The following ZNF133 variants were observed in gnomAD, a reference collection of about 807,000 sequenced individuals.
ZNF133 encodes zinc finger protein 133 (clone pHZ-13).
ZNF133 carries 26 observed loss-of-function variants against 54.9 expected under a neutral mutation model. The ratio of observed to expected loss-of-function variants is 0.47; its 90% CI spans 0.35 to 0.66. The LOEUF (loss-of-function observed/expected upper bound fraction) is 0.66. Among genes scored for constraint, ZNF133 ranks in the 30% least tolerant of loss-of-function variants. ZNF133 has a pLI of 0.01. For synonymous variants in ZNF133, 298 were observed against 320.3 expected (o/e 0.93, Z 0.74); for missense variants, 653 against 820.8 (o/e 0.80, Z 2.50).
At chr20:18,296,423 A>G (rs1353677842) in intron 1 of ZNF133, among the ~76,000 whole-genome samples, 2 of 151,596 alleles carry the variant, frequency 1.3e-5, no homozygotes, top group African/African-American at 4.9e-5. Context: ...CCAAACTGAA[A>G]CTCCATACCC....
chr20:18,298,129 T>C, intron 2 of ZNF133, 67 bp downstream of exon 2: 1 of 1,534,360 alleles, frequency 6.5e-7, no homozygotes, highest in East Asian at 2.4e-5. Flanking sequence ...TTACCCTGAC[T>C]GCCTTATTGG....
In ZNF133 at chr20:18,315,582, G is replaced by T. The variant is rs757687358; in HGVS notation, c.731G>T (p.Cys244Phe). 6.2e-7 allele frequency: 1 copy of T among 1,614,008 alleles called. No homozygotes were observed. Among genetic ancestry groups the T allele is most frequent in the Non-Finnish European group, 8.5e-7 (1 of 1,179,996 alleles). ...RIHSGEKPYV[C>F]GVCEKGFSLK... ...CACTCAGGGGAGAAGCCCTACGTGT[G>T]TGGGGTATGTGAGAAGGGCTTCAGC... is the stretch of plus-strand genomic sequence containing the variant. Residue 244 changes from cysteine (C) to phenylalanine (F), a missense_variant, in exon 7 of 7, where the codon TGT (cysteine) becomes TTT (phenylalanine). Coordinates refer to ENST00000425686, the MANE Select transcript of ZNF133 (RefSeq NM_001352452.2).
At chr20:18,293,097 G>A (rs567309487) in intron 1 of ZNF133, among the ~76,000 whole-genome samples, 1 of 152,364 alleles carries the variant, frequency 6.6e-6, no homozygotes, top group Non-Finnish European at 1.5e-5. Flanking sequence ...GGCGCAGTAT[G>A]TCAATAACCA....
Position 18,298,081 on chromosome 20 carries a change from C to CG in ZNF133, c.-354+19_-354+20insG. The CG allele has an allele frequency of 6.5e-7, 1 of 1,535,466 alleles. No individual in the cohort carries two copies. The highest frequency in any genetic ancestry group is 8.7e-7 in the Non-Finnish European group (1 of 1,146,770). ...GGGAATGGTGAGTGTTTCCTGTCTC[C>CG]ATTACTGGCTGTAACAGGATGGACA... On this transcript the variant is annotated intron_variant, in intron 2 of 6. Coordinates refer to ENST00000425686, the MANE Select transcript of ZNF133 (RefSeq NM_001352452.2).
In ZNF133 at chr20:18,316,413, C is replaced by T. The variant is rs760184340; in HGVS notation, c.1562C>T (p.Pro521Leu). The T allele has an allele frequency of 1.1e-5, 17 of 1,613,904 alleles. No individual in the cohort carries two copies. Among genetic ancestry groups the T allele is most frequent in the South Asian group, 6.6e-5 (6 of 91,064 alleles). ...AHQRTHSGERPYVCRECGRGF... is the reference protein window; with the variant it reads ...AHQRTHSGERLYVCRECGRGF... ...CAGAGGACGCACTCAGGGGAGAGGC[C>T]GTATGTGTGCCGAGAGTGCGGGCGA... The change falls in exon 7 of 7, where the codon CCG (proline) becomes CTG (leucine). Residue 521 changes from proline to leucine, a missense_variant. This residue lies in a region of ZNF133 where 292 missense variants were observed against 431.6 expected (regional missense o/e 0.68). Coordinates refer to ENST00000425686, the MANE Select transcript of ZNF133 (RefSeq NM_001352452.2).
At chr20:18,292,963 G>A (rs2041391944) in intron 1 of ZNF133, among the ~76,000 whole-genome samples, 1 of 152,310 alleles carries the variant, frequency 6.6e-6, no homozygotes, top group Non-Finnish European at 1.5e-5. Flanking sequence ...GTTGGCAGAG[G>A]TGGAATCCAT....
In ZNF133 at chr20:18,305,547, G is replaced by A. The variant is rs979853325; in HGVS notation, c.-6-134G>A. 1 of 1,302,722 alleles carries A rather than the reference G, an allele frequency of 7.7e-7. No homozygotes were observed. Among genetic ancestry groups the A allele is most frequent in the East Asian group, 2.4e-5 (1 of 41,530 alleles). 80.7% of individuals were successfully genotyped at this position (1,302,722 alleles called of 1,614,324 possible). On this transcript the variant is annotated intron_variant, in intron 4 of 6. Coordinates refer to ENST00000425686, the MANE Select transcript of ZNF133 (RefSeq NM_001352452.2). This position sits in a 1 kb window ranked among gnomAD's most constrained non-coding sequence, Gnocchi z 4.7. ...ATTGAGACAGGGATTTAAAAGTCTT[G>A]GAACACATGGCACCAGGGTCACTGG...
At chr20:18,299,589 C>T (rs2042937220) in intron 3 of ZNF133, among the ~76,000 whole-genome samples, 1 of 152,014 alleles carries the variant, frequency 6.6e-6, no homozygotes. Context: ...CCAAGCAGCT[C>T]AATGAACTAT....
rs147451613 is a variant in ZNF133 at position 18,315,857 on chromosome 20, A to T, written c.1006A>T (p.Ser336Cys). 4.3e-6 allele frequency: 7 copies of T among 1,613,164 alleles called. No homozygotes were observed. The highest frequency in any genetic ancestry group is 5.9e-6 in the Non-Finnish European group (7 of 1,179,394). The change falls in exon 7 of 7, where the codon AGC becomes TGC. Residue 336 changes from serine to cysteine, a missense_variant. This residue lies in a region of ZNF133 where 292 missense variants were observed against 431.6 expected (regional missense o/e 0.68). Coordinates refer to ENST00000425686, the MANE Select transcript of ZNF133 (RefSeq NM_001352452.2). ...YVCRECGKGF[S>C]QKSAVVRHQR... ...GTGCCGGGAATGTGGCAAAGGCTTC[A>T]GCCAGAAGTCAGCTGTCGTGAGACA...
intron 1 of ZNF133, among the ~76,000 whole-genome samples, chr20:18,290,547 C>A (rs2040709836): frequency 6.6e-6 from 1 of 152,050 alleles, no homozygotes; most frequent in South Asian, 2.1e-4. Context: ...TTGTTATACC[C>A]AACAAAATTA....
rs370925695 is a variant in ZNF133, at chr20:18,316,779, G to C, written c.1928G>C (p.Cys643Ser). ...CCAGTGCAGCCCGACCCTGAGCCGTGTGCAGGGCAACCTTCGGATTCCTTA... is the reference window on the plus strand; with the variant it reads ...CCAGTGCAGCCCGACCCTGAGCCGTCTGCAGGGCAACCTTCGGATTCCTTA... ...RLPVQPDPEP[C>S]AGQPSDSLYS... is the part of the protein sequence containing the mutation. Residue 643 changes from cysteine to serine, a missense_variant, in exon 7 of 7, where the codon TGT (cysteine) becomes TCT (serine). Around this residue, in one of 4 missense-constraint regions of ZNF133, gnomAD observed 129 missense variants for 138.5 expected, o/e 0.93. Transcript: ENST00000425686. 10 of 1,613,656 alleles carry C rather than the reference G, an allele frequency of 6.2e-6. No homozygotes were observed. Among genetic ancestry groups the C allele is most frequent in the African/African-American group, 5.3e-5 (4 of 74,930 alleles).
chr20:18,294,044 T>A (rs1371404980), intron 1 of ZNF133, among the ~76,000 whole-genome samples: 4 of 152,198 alleles, frequency 2.6e-5, no homozygotes, highest in Admixed American at 1.3e-4. Flanking sequence ...ATTTGTATAA[T>A]CTCAAAGTAT....
At chr20:18,314,260 T>TGCCTAGTCA (rs2046871635) in intron 6 of ZNF133, 1 of 152,222 alleles carries the variant, frequency 6.6e-6, no homozygotes, top group Non-Finnish European at 1.5e-5. Context: ...GGTCATTGAT[T>TGCCTAGTCA]GCCTTCAGCT....
chr20:18,304,941 C>T (rs1002102300), intron 3 of ZNF133, 67 bp from the exon 4 acceptor site: 3 of 942,402 alleles, frequency 3.2e-6, no homozygotes, highest in African/African-American at 3.6e-5. Flanking sequence ...CCCTTGATTC[C>T]AACCCATTCT....
At position 18,308,755 on chromosome 20, in the gene ZNF133, T is replaced by C. The variant is rs567557837; in HGVS notation, c.217+2362T>C. ...GCATTTGCTGTCAAACCAAGTGGTG[T>C]TAACTTTTAATAGTGACTTTACTTA... On this transcript the variant is annotated intron_variant, in intron 6 of 6. Coordinates refer to ENST00000425686, the MANE Select transcript of ZNF133 (RefSeq NM_001352452.2). Among the ~76,000 whole-genome samples, 8 of 152,336 alleles carry C rather than the reference T, an allele frequency of 5.3e-5. No homozygotes were observed. In the South Asian group the frequency reaches 1.7e-3, roughly 32 times the overall value.
intron 1 of ZNF133, among the ~76,000 whole-genome samples, chr20:18,293,319 GACATATTTTCGTGGGTTCCATC>G (rs1357341904): frequency 1.3e-5 from 2 of 152,200 alleles, no homozygotes; most frequent in African/African-American, 2.4e-5. Context: ...TCACACATTT[GACATATTTTCGTGGGTTCCATC>G]ACATATTTTC....
chr20:18,305,498 G>C lies in ZNF133; in HGVS notation c.-6-183G>C, dbSNP rs756865427. ...TGGCCCCCCAGGATCTTGACTGTAT[G>C]GGTTCACAAATGCCACTGGCTGGAT... On this transcript the variant is annotated intron_variant, in intron 4 of 6. Transcript: ENST00000425686. This position sits in a 1 kb window ranked among gnomAD's most constrained non-coding sequence, Gnocchi z 4.7. Among the ~76,000 whole-genome samples the C allele has an allele frequency of 2.0e-5, 3 of 152,100 alleles. No homozygotes were observed. Among genetic ancestry groups the C allele is most frequent in the Non-Finnish European group, 4.4e-5 (3 of 68,022 alleles).
rs557300207 is a variant in ZNF133 at position 18,293,969 on chromosome 20, A to C, written c.-431-4016A>C. On this transcript the variant is annotated intron_variant, in intron 1 of 6. Transcript: ENST00000425686. Reference sequence around the variant, plus strand: ...TTTGGTAAACAGCACAGTAATAACTATTGCAGATAGGTTCCACAGATATAT... The same window carrying C: ...TTTGGTAAACAGCACAGTAATAACTCTTGCAGATAGGTTCCACAGATATAT... Among the ~76,000 whole-genome samples the C allele has an allele frequency of 8.7e-4, 132 of 152,376 alleles. 1 individual carries two copies. In the South Asian group the frequency reaches 0.026, roughly 31 times the overall value.
chr20:18,310,732 T>C (rs2045707978), intron 6 of ZNF133, among the ~76,000 whole-genome samples: 1 of 152,120 alleles, frequency 6.6e-6, no homozygotes, highest in African/African-American at 2.4e-5. Flanking sequence ...ATTGTATTCT[T>C]GAAAATCACT....
Sources: gnomAD v4.1 joint callset for allele counts (sites outside exome capture counted in the v4.1 genomes callset) on GRCh38, gnomAD v4.1.1 for gene constraint, gnomAD v4.1.1 regional missense constraint, Gnocchi (gnomAD v3.1) non-coding constraint, MANE v1.5 for transcripts, NCBI Gene and HGNC (gene_info 2026-07-23, HGNC 2026-07-21) for gene names.